Variants in PDE1C observed in about 807,000 individuals in gnomAD.
The protein encoded by PDE1C is phosphodiesterase 1C.
In PDE1C, 62 loss-of-function variants were observed where a neutral mutation model predicts 93.1. The observed-to-expected ratio is 0.67, with a 90% confidence interval of 0.54 to 0.82. PDE1C has a LOEUF of 0.82. Among genes scored for constraint, PDE1C ranks in the 40% least tolerant of loss-of-function variants. The pLI is 0.00. For missense variants in PDE1C, 742 were observed against 884.6 expected, an observed-to-expected ratio of 0.84 and a Z score of 2.04; for synonymous variants, 325 against 310.1, an observed-to-expected ratio of 1.05 and a Z score of -0.50.
In PDE1C at chr7:32,389,531, T is replaced by C. The variant is rs537333006; in HGVS notation, c.310+38291A>G. On this transcript the variant is annotated intron_variant, in intron 1 of 1. Transcript: ENST00000672256. ...CACGCCCAGCCTGATAGCTGACTTG[T>C]TATGTAACAAGGAAAGTTGAAAATG... Among the ~76,000 whole-genome samples, 5 of 152,272 alleles carry C rather than the reference T, an allele frequency of 3.3e-5. No homozygotes were observed. In the East Asian group the frequency reaches 7.7e-4, roughly 23 times the overall value.
chr7:32,040,739 T>C (rs1044764921), intron 2 of PDE1C, among the ~76,000 whole-genome samples: 3 of 152,096 alleles, frequency 2.0e-5, no homozygotes, highest in East Asian at 1.9e-4. Flanking sequence ...TAGAAAGATA[T>C]TCTATGGCCA....
chr7:31,887,155 T>C (rs1429133210), intron 2 of PDE1C, among the ~76,000 whole-genome samples: 1 of 152,188 alleles, frequency 6.6e-6, no homozygotes, highest in African/African-American at 2.4e-5. Flanking sequence ...GAATACTCTC[T>C]CTCACATGAT....
At chr7:31,958,851 C>A (rs905091115) in intron 2 of PDE1C, among the ~76,000 whole-genome samples, 22 of 152,188 alleles carry the variant, frequency 1.4e-4, no homozygotes, top group African/African-American at 5.3e-4. Flanking sequence ...AAAGGATACT[C>A]TGAAGTGTAT....
intron 1 of PDE1C, among the ~76,000 whole-genome samples, chr7:32,228,682 G>A (rs115574752): frequency 0.023 from 3,430 of 152,226 alleles, 134 homozygotes; most frequent in African/African-American, 0.076. Flanking sequence ...AGCCCGACCC[G>A]ATGGGTGATC....
chr7:31,720,036 G>A, the PDE1C span, among the ~76,000 whole-genome samples: 4 of 151,134 alleles, frequency 2.6e-5, no homozygotes, highest in Admixed American at 6.6e-5. Flanking sequence ...GGTGGCGGGC[G>A]CCTGTAGTCC....
intron 3 of PDE1C, among the ~76,000 whole-genome samples, chr7:32,084,639 T>C (rs1165222783): frequency 6.6e-6 from 1 of 150,740 alleles, no homozygotes; most frequent in Non-Finnish European, 1.5e-5. Flanking sequence ...GAACAGAAAT[T>C]ATAACAAACT....
the PDE1C span, chr7:31,652,574 T>C: frequency 5.6e-6 from 9 of 1,611,424 alleles, no homozygotes; most frequent in African/African-American, 1.2e-4. Context: ...TGCATCAATA[T>C]AACTGGATAG....
intron 2 of PDE1C, among the ~76,000 whole-genome samples, chr7:31,942,527 A>C (rs903661467): frequency 6.6e-6 from 1 of 152,158 alleles, no homozygotes; most frequent in African/African-American, 2.4e-5. Context: ...AAGGAGTATT[A>C]AAATGGTTGT....
intron 17 of PDE1C, among the ~76,000 whole-genome samples, chr7:31,759,859 T>TTC (rs145067383): frequency 1.1e-4 from 16 of 150,276 alleles, no homozygotes; most frequent in South Asian, 2.1e-4. Flanking sequence ...CTATCTTTTG[T>TTC]TCTCTCTCTC....
the PDE1C span, among the ~76,000 whole-genome samples, chr7:31,735,569 G>C: frequency 1.3e-5 from 2 of 152,184 alleles, no homozygotes; most frequent in Non-Finnish European, 2.9e-5. Context: ...TGGATGTTAG[G>C]TGACATTGTG....
At chr7:31,768,643 T>C (rs1345855138) in intron 17 of PDE1C, among the ~76,000 whole-genome samples, 1 of 152,190 alleles carries the variant, frequency 6.6e-6, no homozygotes, top group Non-Finnish European at 1.5e-5. Context: ...ATAGCTTCTC[T>C]TTCCTATTTT....
intron 1 of PDE1C, among the ~76,000 whole-genome samples, chr7:32,327,270 T>G (rs1204849796): frequency 6.6e-6 from 1 of 152,190 alleles, no homozygotes; most frequent in African/African-American, 2.4e-5. Context: ...GCATAACATG[T>G]GCATAGAGAA....
At chr7:31,926,045 C>T (rs1016419094) in intron 2 of PDE1C, among the ~76,000 whole-genome samples, 3 of 150,538 alleles carry the variant, frequency 2.0e-5, no homozygotes, top group Non-Finnish European at 4.4e-5. Context: ...TACCTGTGAT[C>T]ATACATTACA....
chr7:32,232,142 G>C (rs1042924309), intron 1 of PDE1C, among the ~76,000 whole-genome samples: 4 of 151,690 alleles, frequency 2.6e-5, no homozygotes, highest in Non-Finnish European at 5.9e-5. Flanking sequence ...ACAGATTAAG[G>C]GAAAAAAAAC....
chr7:31,788,386 T>C (rs1784229171), intron 16 of PDE1C: 1 of 152,224 alleles, frequency 6.6e-6, no homozygotes, highest in Non-Finnish European at 1.5e-5. Context: ...GCATGTTTCA[T>C]TTGATTAGCA....
chr7:32,065,176 G>A (rs1267187745), intron 1 of PDE1C, among the ~76,000 whole-genome samples: 3 of 152,138 alleles, frequency 2.0e-5, no homozygotes, highest in Non-Finnish European at 4.4e-5. Context: ...TTCTCAATGA[G>A]TGGTGAACAT....
the PDE1C span, chr7:31,696,864 A>G: frequency 1.5e-6 from 2 of 1,337,692 alleles, no homozygotes; most frequent in South Asian, 1.6e-5. Flanking sequence ...GGAAAGCTAT[A>G]TTGACTGTCT....
At chr7:31,694,263 A>G in the PDE1C span, among the ~76,000 whole-genome samples, 1 of 152,134 alleles carries the variant, frequency 6.6e-6, no homozygotes, top group Non-Finnish European at 1.5e-5. Flanking sequence ...GCTTTCCCCT[A>G]AGTTTAGTGG....
intron 3 of PDE1C, among the ~76,000 whole-genome samples, chr7:32,110,431 T>C (rs897353658): frequency 6.6e-6 from 1 of 152,126 alleles, no homozygotes; most frequent in African/African-American, 2.4e-5. Flanking sequence ...ACTGGGTTCC[T>C]CCCATGACAC....
Sources: allele counts gnomAD v4.1 joint callset (sites outside exome capture counted in the v4.1 genomes callset), GRCh38; gene constraint gnomAD v4.1.1; transcripts MANE v1.5; gene names NCBI Gene and HGNC (gene_info 2026-07-23, HGNC 2026-07-21).